TMEM132D: variants seen among roughly 807,000 people sequenced by gnomAD.
The protein encoded by TMEM132D is mature OL transmembrane protein.
A neutral mutation model predicts 62.3 loss-of-function variants in TMEM132D; 21 were observed. The observed-to-expected ratio is 0.34, with a 90% CI of 0.24 to 0.49. TMEM132D has a LOEUF of 0.49. TMEM132D is among the 20% of genes least tolerant of loss of function. The pLI, the probability that TMEM132D is intolerant of heterozygous loss-of-function variation, is 0.99. For synonymous variants in TMEM132D, 621 were observed against 575.6 expected (o/e 1.08, Z -1.13); for missense variants, 1,346 against 1,402.8 (o/e 0.96, Z 0.65).
intron 4 of TMEM132D, among the ~76,000 whole-genome samples, chr12:129,289,557 A>AAG (rs1881393107): frequency 6.8e-6 from 1 of 147,490 alleles, no homozygotes; most frequent in Non-Finnish European, 1.5e-5. Flanking sequence ...TAAAAAAAAA[A>AAG]AAAAAAAGAA....
intron 3 of TMEM132D, among the ~76,000 whole-genome samples, chr12:129,338,766 G>A (rs2135659292): frequency 6.6e-6 from 1 of 152,328 alleles, no homozygotes; most frequent in South Asian, 2.1e-4. Flanking sequence ...CTGACATGTA[G>A]GAGAATAAGG....
At chr12:129,488,822 T>C (rs552384767) in intron 3 of TMEM132D, among the ~76,000 whole-genome samples, 1 of 151,300 alleles carries the variant, frequency 6.6e-6, no homozygotes, top group Non-Finnish European at 1.5e-5. Context: ...AAACTTTGCA[T>C]GGTTAAAAAA....
chr12:129,340,747 C>T (rs539277766), intron 3 of TMEM132D, among the ~76,000 whole-genome samples: 34 of 152,166 alleles, frequency 2.2e-4, no homozygotes, highest in Admixed American at 9.2e-4. Flanking sequence ...GGGTATATAC[C>T]CAAAGGATTA....
chr12:129,587,202 T>C (rs1367430921), intron 2 of TMEM132D, among the ~76,000 whole-genome samples: 2 of 152,142 alleles, frequency 1.3e-5, no homozygotes, highest in South Asian at 2.1e-4. Flanking sequence ...TGGAATACTA[T>C]GCAGCCATAA....
At chr12:129,087,909 G>A (rs1405933853) in intron 5 of TMEM132D, among the ~76,000 whole-genome samples, 2 of 117,512 alleles carry the variant, frequency 1.7e-5, no homozygotes, top group African/African-American at 3.7e-5. Context: ...TCCCTGACCG[G>A]GGTGTCCTCC....
At chr12:129,270,946 C>T (rs1324214558) in intron 4 of TMEM132D, among the ~76,000 whole-genome samples, 1 of 152,198 alleles carries the variant, frequency 6.6e-6, no homozygotes, top group African/African-American at 2.4e-5. Context: ...CTGTGTCTTG[C>T]TTTCTGATGG....
At chr12:129,353,488 CT>C (rs1284286491) in intron 3 of TMEM132D, among the ~76,000 whole-genome samples, 2 of 152,108 alleles carry the variant, frequency 1.3e-5, no homozygotes, top group African/African-American at 4.8e-5. Flanking sequence ...GCCAGCCCCC[CT>C]CTTCTCCTCC....
intron 1 of TMEM132D, among the ~76,000 whole-genome samples, chr12:129,787,829 G>A (rs983136124): frequency 6.6e-6 from 1 of 152,198 alleles, no homozygotes. Flanking sequence ...AGGGGCAACT[G>A]GGTTTGCGGA....
At chr12:129,569,672 G>A (rs148877734) in intron 2 of TMEM132D, among the ~76,000 whole-genome samples, 2 of 152,246 alleles carry the variant, frequency 1.3e-5, no homozygotes, top group African/African-American at 4.8e-5. Context: ...ACAGCGTGCC[G>A]ATTTATGTAA....
intron 1 of TMEM132D, among the ~76,000 whole-genome samples, chr12:129,866,526 G>A (rs1472215576): frequency 6.6e-6 from 1 of 151,664 alleles, no homozygotes; most frequent in Non-Finnish European, 1.5e-5. Context: ...ACACTAACAT[G>A]GCACATGTAT....
chr12:129,773,259 G>A (rs1471486987), intron 1 of TMEM132D, among the ~76,000 whole-genome samples: 1 of 152,222 alleles, frequency 6.6e-6, no homozygotes, highest in Admixed American at 6.5e-5. Flanking sequence ...GTGCGAGGGC[G>A]GCGGCAGTGA....
intron 4 of TMEM132D, among the ~76,000 whole-genome samples, chr12:129,263,794 G>T (rs1338721100): frequency 1.3e-5 from 2 of 152,114 alleles, no homozygotes; most frequent in African/African-American, 2.4e-5. Flanking sequence ...CAAGCAGAAA[G>T]ACACCTGCAG....
At chr12:129,401,314 C>T (rs1464925007) in intron 3 of TMEM132D, among the ~76,000 whole-genome samples, 1 of 152,204 alleles carries the variant, frequency 6.6e-6, no homozygotes, top group Non-Finnish European at 1.5e-5. Flanking sequence ...TGCCTGTAAT[C>T]CCAACACATG....
intron 3 of TMEM132D, among the ~76,000 whole-genome samples, chr12:129,368,211 G>A (rs1204478136): frequency 1.3e-5 from 2 of 152,004 alleles, no homozygotes. Flanking sequence ...GTCATATGCA[G>A]TTAAAACTCC....
At chr12:129,655,638 A>G (rs1049543218) in intron 2 of TMEM132D, among the ~76,000 whole-genome samples, 3 of 151,858 alleles carry the variant, frequency 2.0e-5, no homozygotes, top group Non-Finnish European at 2.9e-5. Context: ...GGCCACCGAG[A>G]GGTGACTCCA....
At chr12:129,453,273 G>A (rs942077164) in intron 3 of TMEM132D, among the ~76,000 whole-genome samples, 31 of 152,278 alleles carry the variant, frequency 2.0e-4, no homozygotes, top group African/African-American at 2.9e-4. Flanking sequence ...CTAAGAAGGC[G>A]TGCCTACTAA....
intron 1 of TMEM132D, among the ~76,000 whole-genome samples, chr12:129,814,637 T>TA (rs1433388304): frequency 8.3e-5 from 10 of 120,084 alleles, no homozygotes; most frequent in South Asian, 2.8e-4. Context: ...AAAAACTAAA[T>TA]AAAAAACATC....
At chr12:129,810,929 G>T (rs1219888240) in intron 1 of TMEM132D, among the ~76,000 whole-genome samples, 1 of 152,066 alleles carries the variant, frequency 6.6e-6, no homozygotes, top group Non-Finnish European at 1.5e-5. Context: ...ATGGTATTGC[G>T]TGTCTAGAAC....
chr12:129,610,720 A>G (rs1239699629), intron 2 of TMEM132D, among the ~76,000 whole-genome samples: 1 of 151,634 alleles, frequency 6.6e-6, no homozygotes, highest in Admixed American at 6.6e-5. Flanking sequence ...CAAGCAAGTA[A>G]GTAATTGATG....
Sources: allele counts gnomAD v4.1 joint callset (sites outside exome capture counted in the v4.1 genomes callset), GRCh38; gene constraint gnomAD v4.1.1; transcripts MANE v1.5; gene names NCBI Gene and HGNC (gene_info 2026-07-23, HGNC 2026-07-21).